Variants in ST6GALNAC5 observed in about 807,000 individuals in gnomAD.
The protein encoded by ST6GALNAC5 is alpha-N-acetylgalactosaminide alpha-2,6-sialyltransferase 5.
In ST6GALNAC5, 27 loss-of-function variants were observed where a neutral mutation model predicts 33.6. That is an observed-to-expected ratio of 0.80 (90% confidence interval 0.59 to 1.11). The LOEUF (loss-of-function observed/expected upper bound fraction) is 1.11, where lower values mean the gene tolerates loss of function less well. Among genes scored for constraint, ST6GALNAC5 ranks in the 50% least tolerant of loss-of-function variants. The pLI is 0.00. For missense variants in ST6GALNAC5, 428 were observed against 454.0 expected (o/e 0.94, Z 0.52); for synonymous variants, 194 against 171.2 (o/e 1.13, Z -1.04).
chr1:76,996,350 A>T (rs1301942349), intron 2 of ST6GALNAC5, among the ~76,000 whole-genome samples: 2 of 152,238 alleles, frequency 1.3e-5, no homozygotes, highest in Non-Finnish European at 2.9e-5. Context: ...AGTGCCTACT[A>T]TGCGCCAGAC....
At chr1:76,956,041 T>C (rs989096891) in intron 2 of ST6GALNAC5, among the ~76,000 whole-genome samples, 5 of 152,160 alleles carry the variant, frequency 3.3e-5, no homozygotes, top group African/African-American at 4.8e-5. Flanking sequence ...TAATTTCTTT[T>C]ATTATCAAAT....
chr1:77,057,884 A>C (rs1199671633), intron 4 of ST6GALNAC5, among the ~76,000 whole-genome samples: 1 of 152,160 alleles, frequency 6.6e-6, no homozygotes, highest in Non-Finnish European at 1.5e-5. Context: ...ACTTAGCTTT[A>C]GAAGAGTCAA....
At chr1:76,973,205 G>A (rs1648832917) in intron 2 of ST6GALNAC5, among the ~76,000 whole-genome samples, 1 of 151,782 alleles carries the variant, frequency 6.6e-6, no homozygotes, top group African/African-American at 2.4e-5. Flanking sequence ...GTTTGTCAGT[G>A]TTCTTCAGAC....
At chr1:76,900,194 A>AG (rs541312877) in intron 2 of ST6GALNAC5, among the ~76,000 whole-genome samples, 1,660 of 152,216 alleles carry the variant, frequency 0.011, 14 homozygotes, top group Middle Eastern at 0.037. Context: ...GGTGCTCAGT[A>AG]GGGGAGATTT....
At chr1:76,922,942 A>T (rs1165176691) in intron 2 of ST6GALNAC5, among the ~76,000 whole-genome samples, 1 of 138,622 alleles carries the variant, frequency 7.2e-6, no homozygotes, top group East Asian at 1.9e-4. Context: ...CCTCAAAAAA[A>T]AAAAAAAGAA....
chr1:77,015,013 C>T (rs1038678579), intron 2 of ST6GALNAC5, among the ~76,000 whole-genome samples: 5 of 151,384 alleles, frequency 3.3e-5, no homozygotes, highest in Non-Finnish European at 7.4e-5. Context: ...AGTCGGAATT[C>T]TCCAGAGAAA....
intron 2 of ST6GALNAC5, among the ~76,000 whole-genome samples, chr1:76,872,667 GAA>G (rs1192059396): frequency 6.6e-6 from 1 of 152,072 alleles, no homozygotes; most frequent in Non-Finnish European, 1.5e-5. Flanking sequence ...TCCCCTTTTA[GAA>G]AAGTATATAA....
chr1:77,047,638 A>T (rs911821350), intron 3 of ST6GALNAC5, among the ~76,000 whole-genome samples: 1 of 152,244 alleles, frequency 6.6e-6, no homozygotes, highest in Non-Finnish European at 1.5e-5. Context: ...AAGTAACTGT[A>T]CTTGAAAATA....
intron 2 of ST6GALNAC5, among the ~76,000 whole-genome samples, chr1:76,881,754 C>G (rs1653787532): frequency 6.6e-6 from 1 of 152,212 alleles, no homozygotes; most frequent in East Asian, 1.9e-4. Flanking sequence ...AGCTGCAAGT[C>G]ATAAATATCA....
chr1:76,937,209 C>A (rs1381088246), intron 2 of ST6GALNAC5, among the ~76,000 whole-genome samples: 4 of 151,756 alleles, frequency 2.6e-5, no homozygotes, highest in African/African-American at 9.7e-5. Context: ...CCTAAACTGA[C>A]CCTGCAAGTG....
chr1:76,983,701 G>A (rs185199696), intron 2 of ST6GALNAC5, among the ~76,000 whole-genome samples: 56 of 152,218 alleles, frequency 3.7e-4, no homozygotes, highest in African/African-American at 1.2e-3. Context: ...AAATCAACAG[G>A]ATATACATTC....
intron 2 of ST6GALNAC5, among the ~76,000 whole-genome samples, chr1:76,902,260 T>C (rs1646824713): frequency 6.6e-6 from 1 of 152,136 alleles, no homozygotes; most frequent in African/African-American, 2.4e-5. Flanking sequence ...GAAACAATTC[T>C]GTTTACAATA....
intron 2 of ST6GALNAC5, among the ~76,000 whole-genome samples, chr1:76,914,155 G>C (rs1281897305): frequency 2.0e-5 from 3 of 152,024 alleles, no homozygotes; most frequent in Non-Finnish European, 4.4e-5. Context: ...CCTCTTCAAG[G>C]AGAACTACAA....
At chr1:77,023,302 A>C (rs949927849) in intron 2 of ST6GALNAC5, among the ~76,000 whole-genome samples, 7 of 152,172 alleles carry the variant, frequency 4.6e-5, no homozygotes, top group Non-Finnish European at 8.8e-5. Context: ...ATATAATAGA[A>C]ACTCATTTTT....
chr1:77,019,907 T>A (rs1257340810), intron 2 of ST6GALNAC5, among the ~76,000 whole-genome samples: 1 of 152,178 alleles, frequency 6.6e-6, no homozygotes, highest in Non-Finnish European at 1.5e-5. Flanking sequence ...TACTTTAAAC[T>A]GCCCTGAAAA....
chr1:76,947,110 C>T (rs1207205323), intron 2 of ST6GALNAC5, among the ~76,000 whole-genome samples: 3 of 151,950 alleles, frequency 2.0e-5, no homozygotes, highest in Non-Finnish European at 4.4e-5. Context: ...CAATCAGCTC[C>T]AGAATTCATA....
chr1:76,918,345 C>A (rs1469041891), intron 2 of ST6GALNAC5, among the ~76,000 whole-genome samples: 1 of 152,050 alleles, frequency 6.6e-6, no homozygotes, highest in Non-Finnish European at 1.5e-5. Flanking sequence ...CCAGGCCAGG[C>A]GCAGTGACTC....
chr1:76,954,498 G>T (rs567459578), intron 2 of ST6GALNAC5, among the ~76,000 whole-genome samples: 1 of 152,146 alleles, frequency 6.6e-6, no homozygotes, highest in East Asian at 1.9e-4. Flanking sequence ...TGTGTAAAAA[G>T]CCTGCGCATC....
At chr1:77,026,955 G>T (rs1319917498) in intron 2 of ST6GALNAC5, among the ~76,000 whole-genome samples, 2 of 152,208 alleles carry the variant, frequency 1.3e-5, no homozygotes, top group Admixed American at 6.5e-5. Flanking sequence ...ACAGTGGTTT[G>T]GGTCATCAGC....
Sources: allele counts gnomAD v4.1 joint callset (sites outside exome capture counted in the v4.1 genomes callset), GRCh38; gene constraint gnomAD v4.1.1; transcripts MANE v1.5; gene names NCBI Gene and HGNC (gene_info 2026-07-23, HGNC 2026-07-21).